The following CYP2C18 variants were observed in gnomAD, a reference collection of about 807,000 sequenced individuals.
The protein encoded by CYP2C18 is cytochrome P450 2C18.
In CYP2C18, 38 loss-of-function variants were observed where a neutral mutation model predicts 41.3. That is an observed-to-expected ratio of 0.92 (90% CI 0.71 to 1.21). CYP2C18 has a LOEUF of 1.21. Among genes scored for constraint, CYP2C18 ranks in the 50% most tolerant of loss-of-function variants. The pLI, the probability that CYP2C18 is intolerant of heterozygous loss-of-function variation, is 0.00. For synonymous variants in CYP2C18, 236 were observed against 210.0 expected (o/e 1.12, Z -1.07); for missense variants, 635 against 591.4 (o/e 1.07, Z -0.77).
chr10:94,732,610 G>A (rs1448085028), intron 7 of CYP2C18, among the ~76,000 whole-genome samples: 1 of 151,984 alleles, frequency 6.6e-6, no homozygotes, highest in African/African-American at 2.4e-5. Context: ...AGAAAAGGTG[G>A]TACAAATACA....
intron 7 of CYP2C18, among the ~76,000 whole-genome samples, chr10:94,732,806 G>A (rs1847855921): frequency 6.6e-6 from 1 of 151,986 alleles, no homozygotes; most frequent in Non-Finnish European, 1.5e-5. Flanking sequence ...CTACTAGATG[G>A]GGGCTGAAGG....
At chr10:94,707,791 G>A (rs1463031548) in intron 5 of CYP2C18, among the ~76,000 whole-genome samples, 1 of 152,154 alleles carries the variant, frequency 6.6e-6, no homozygotes, top group Admixed American at 6.6e-5. Flanking sequence ...GTTTCAGTTA[G>A]AGGATCAGAT....
In CYP2C18 at chr10:94,720,407, T is replaced by C. The variant is rs746021258; in HGVS notation, c.831T>C (p.Asn277=). The C allele has an allele frequency of 6.2e-7, 1 of 1,607,482 alleles. No individual in the cohort carries two copies. The highest frequency in any genetic ancestry group is 1.1e-5 in the South Asian group (1 of 88,982). ...FLIKMEQEKH[N]QQSEFTVESL... ...AAATAATTTTTTAGGAAAAGCACAA[T>C]CAACAGTCTGAATTTACTGTTGAAA... Residue 277 remains asparagine, a synonymous_variant, in exon 6 of 9, where the codon AAT becomes AAC. Transcript: ENST00000285979.
At position 94,688,352 on chromosome 10, in the gene CYP2C18, T is replaced by G. The variant is rs183035332; in HGVS notation, c.481+78T>G. 2.5e-3 allele frequency: 3,658 copies of G among 1,462,022 alleles called. 11 individuals carry two copies. Among genetic ancestry groups the G allele is most frequent in the Non-Finnish European group, 3.1e-3 (3,342 of 1,085,292 alleles). The allele number at this position is 1,462,022 out of a possible 1,614,324, so 90.6% of individuals were successfully genotyped here. ...TATTTTTAGATTGATACATAACTTT[T>G]ATGCATATTTATGGGGTACATGTAA... On this transcript the variant is annotated intron_variant, in intron 3 of 8. Transcript: ENST00000285979.
In CYP2C18 at chr10:94,706,789, C is replaced by A. The variant is rs775831653; in HGVS notation, c.648C>A (p.Cys216Ter). The change falls in exon 5 of 9, where the codon TGC (cysteine) becomes TGA (stop). Residue 216 changes from cysteine (C) to a stop codon, truncating the protein, a stop_gained. Coordinates refer to ENST00000285979, the MANE Select transcript of CYP2C18 (RefSeq NM_000772.3). LOFTEE classifies it high-confidence loss of function. ...RILSSPWIQVCNNFPALIDYL... is the reference protein window; with the variant it reads ...RILSSPWIQV Reference sequence around the variant, plus strand: ...AATTTTTAAAAATCTTTAAGGTCTGCAATAATTTCCCTGCTCTCATCGATT... The same window carrying A: ...AATTTTTAAAAATCTTTAAGGTCTGAAATAATTTCCCTGCTCTCATCGATT... The A allele has an allele frequency of 5.8e-6, 9 of 1,553,280 alleles. No individual in the cohort carries two copies. Among genetic ancestry groups the A allele is most frequent in the African/African-American group, 1.4e-5 (1 of 72,392 alleles).
intron 4 of CYP2C18, among the ~76,000 whole-genome samples, chr10:94,700,922 C>A (rs1467241948): frequency 6.6e-6 from 1 of 152,170 alleles, no homozygotes; most frequent in Non-Finnish European, 1.5e-5. Flanking sequence ...CAATGAGATA[C>A]CATCTCACAC....
chr10:94,696,823 T>A (rs912558187), intron 4 of CYP2C18, among the ~76,000 whole-genome samples: 30 of 152,160 alleles, frequency 2.0e-4, no homozygotes, highest in Non-Finnish European at 3.7e-4. Context: ...CCGAGAATTA[T>A]GTGATGAATG....
intron 4 of CYP2C18, among the ~76,000 whole-genome samples, chr10:94,695,941 G>A (rs1005531882): frequency 2.0e-5 from 3 of 152,116 alleles, no homozygotes; most frequent in Non-Finnish European, 2.9e-5. Flanking sequence ...GGGGAGGGGG[G>A]CCTGCCATTA....
At chr10:94,735,014 G>A (rs1056149448) in intron 8 of CYP2C18, among the ~76,000 whole-genome samples, 2 of 152,150 alleles carry the variant, frequency 1.3e-5, no homozygotes, top group Non-Finnish European at 2.9e-5. Flanking sequence ...AACACTTAGT[G>A]AAGTGCATGG....
chr10:94,721,838 T>A (rs942523084), intron 6 of CYP2C18, among the ~76,000 whole-genome samples: 4 of 152,246 alleles, frequency 2.6e-5, no homozygotes, highest in African/African-American at 7.2e-5. Flanking sequence ...TGTGTGTGTG[T>A]GACACACCAT....
Position 94,706,822 on chromosome 10 carries a change from A to AG in CYP2C18, c.683dup (p.Ser229LysfsTer3). 3 of 1,604,690 alleles carry AG rather than the reference A, an allele frequency of 1.9e-6. No homozygotes were observed. Among genetic ancestry groups the AG allele is most frequent in the Non-Finnish European group, 2.6e-6 (3 of 1,172,668 alleles). On this transcript the variant is annotated frameshift_variant, in exon 5 of 9. Coordinates refer to ENST00000285979, the MANE Select transcript of CYP2C18 (RefSeq NM_000772.3). LOFTEE classifies it high-confidence loss of function. ...TCCCTGCTCTCATCGATTATCTCCC[A>AG]GGAAGTCATAATAAAATAGCTGAAA...
intron 4 of CYP2C18, among the ~76,000 whole-genome samples, chr10:94,700,512 A>G (rs1847216821): frequency 6.6e-6 from 1 of 152,258 alleles, no homozygotes; most frequent in Non-Finnish European, 1.5e-5. Context: ...ACCTAAAACC[A>G]TAAAAACCGT....
chr10:94,688,051 C>A, intron 2 of CYP2C18, 74 bp from the exon 3 acceptor site: 1 of 1,604,894 alleles, frequency 6.2e-7, no homozygotes, highest in Non-Finnish European at 8.5e-7. Flanking sequence ...GACCTGTCCA[C>A]GTGGCTGCCG....
chr10:94,698,800 A>T lies in CYP2C18; in HGVS notation c.642+3723A>T, dbSNP rs574539835. On this transcript the variant is annotated intron_variant, in intron 4 of 8. Coordinates refer to ENST00000285979, the MANE Select transcript of CYP2C18 (RefSeq NM_000772.3). ...AATAAAAAATGATAAAGGGGATATC[A>T]CCACCAATCCCACAGAAACACAAAC... 3.9e-5 allele frequency among the ~76,000 whole-genome samples: 6 copies of T among 152,332 alleles called. No homozygotes were observed. The South Asian group carries it at 1.2e-3, about 32-fold the overall frequency.
In CYP2C18 at chr10:94,701,206, C is replaced by T. The variant is rs567034884; in HGVS notation, c.643-5578C>T. Among the ~76,000 whole-genome samples the T allele has an allele frequency of 4.6e-5, 7 of 152,284 alleles. No individual in the cohort carries two copies. The South Asian group carries it at 6.2e-4, about 14-fold the overall frequency. ...GTGGCATTATTCACAATAGCAAAGA[C>T]TTGGAACCACACCAAATATCCAACA... On this transcript the variant is annotated intron_variant, in intron 4 of 8. Transcript: ENST00000285979.
chr10:94,725,937 A>G (rs919364550), intron 7 of CYP2C18, among the ~76,000 whole-genome samples: 11 of 152,256 alleles, frequency 7.2e-5, no homozygotes, highest in African/African-American at 2.6e-4. Context: ...AATAAGGAAG[A>G]TAATGTTCTG....
intron 4 of CYP2C18, among the ~76,000 whole-genome samples, chr10:94,696,535 C>A (rs1431022319): frequency 3.3e-5 from 5 of 152,050 alleles, no homozygotes; most frequent in South Asian, 4.1e-4. Context: ...GGGGAAAAAA[C>A]AGAGCCGAAA....
chr10:94,684,308 A>G (rs1469708795), intron 1 of CYP2C18, among the ~76,000 whole-genome samples: 1 of 152,120 alleles, frequency 6.6e-6, no homozygotes, highest in Non-Finnish European at 1.5e-5. Context: ...CCTCCTATCT[A>G]AGTGTAACTC....
intron 5 of CYP2C18, among the ~76,000 whole-genome samples, chr10:94,719,736 G>A (rs986720073): frequency 1.1e-4 from 17 of 151,816 alleles, no homozygotes; most frequent in South Asian, 4.2e-4. Context: ...CATCACGCCC[G>A]GCTAATTTTT....
Sources: allele counts gnomAD v4.1 joint callset (sites outside exome capture counted in the v4.1 genomes callset), GRCh38; gene constraint gnomAD v4.1.1; transcripts MANE v1.5; gene names NCBI Gene and HGNC (gene_info 2026-07-23, HGNC 2026-07-21).